Variants in ARHGAP23 observed in about 807,000 individuals in gnomAD.
ARHGAP23 encodes the protein rho GTPase-activating protein 23.
In ARHGAP23, 34 loss-of-function variants were observed where a neutral mutation model predicts 136.3. That is an observed-to-expected ratio of 0.25 (90% CI 0.19 to 0.33). ARHGAP23 has a LOEUF of 0.33. ARHGAP23 is among the 10% of genes least tolerant of loss of function. The pLI, the probability that ARHGAP23 is intolerant of heterozygous loss-of-function variation, is 1.00. For synonymous variants in ARHGAP23, 832 were observed against 920.5 expected, an observed-to-expected ratio of 0.90 and a Z score of 1.74; for missense variants, 1,808 against 2,139.0, an observed-to-expected ratio of 0.85 and a Z score of 3.05.
intron 15 of ARHGAP23, 67 bp from the exon 16 acceptor site, chr17:38,482,456 C>T: frequency 1.4e-6 from 2 of 1,403,348 alleles, no homozygotes; most frequent in East Asian, 2.5e-5. Context: ...CTTGCATTGT[C>T]CCCTTCTTGG....
intron 16 of ARHGAP23, among the ~76,000 whole-genome samples, chr17:38,485,628 G>A (rs922775738): frequency 2.6e-5 from 4 of 152,138 alleles, no homozygotes; most frequent in South Asian, 2.1e-4. Flanking sequence ...ACTTTTAGGC[G>A]GGGATGAGGA....
chr17:38,422,869 A>G (rs1311153979), intron 1 of ARHGAP23, among the ~76,000 whole-genome samples: 4 of 152,060 alleles, frequency 2.6e-5, no homozygotes, highest in Non-Finnish European at 5.9e-5. Context: ...CCCACCCTCC[A>G]TCATTAAATA....
At chr17:38,485,268 G>A (rs1050195417) in intron 16 of ARHGAP23, among the ~76,000 whole-genome samples, 1 of 152,130 alleles carries the variant, frequency 6.6e-6, no homozygotes, top group African/African-American at 2.4e-5. Flanking sequence ...AATCAAAATG[G>A]CTCCAGACAT....
At chr17:38,453,453 GTGT>G (rs2039233834) in intron 1 of ARHGAP23, among the ~76,000 whole-genome samples, 1 of 140,380 alleles carries the variant, frequency 7.1e-6, no homozygotes, top group Non-Finnish European at 1.5e-5. Context: ...GTGTGTGTGT[GTGT>G]GTGTGCGCGC....
In ARHGAP23 at chr17:38,510,471, G is replaced by T; in HGVS notation, c.3975G>T (p.Arg1325=). The T allele has an allele frequency of 8.3e-7, 1 of 1,199,228 alleles. No homozygotes were observed. The highest frequency in any genetic ancestry group is 1.0e-6 in the Non-Finnish European group (1 of 967,702). 74.3% of individuals were successfully genotyped at this position (1,199,228 alleles called of 1,614,324 possible). ...CDTLARRRLA[R]GRPDGEGAGR... ...CTCTGGCGCGCCGCCGCCTGGCCCG[G>T]GGCCGCCCAGACGGCGAGGGCGCGG... Residue 1325 remains arginine, a synonymous_variant, in exon 24 of 24, where the codon CGG becomes CGT. Transcript: ENST00000622683. This position sits in a 1 kb window ranked among gnomAD's most constrained non-coding sequence, Gnocchi z 4.6.
intron 1 of ARHGAP23, among the ~76,000 whole-genome samples, chr17:38,454,692 C>T (rs2039282743): frequency 6.6e-6 from 1 of 152,228 alleles, no homozygotes; most frequent in South Asian, 2.1e-4. Flanking sequence ...TTCTGATGTC[C>T]GGGATGGACC....
At chr17:38,469,398 G>C (rs1055415589) in intron 8 of ARHGAP23, 99 bp downstream of exon 8, 2 of 1,469,468 alleles carry the variant, frequency 1.4e-6, no homozygotes, top group African/African-American at 2.8e-5. Flanking sequence ...CTCTTCCTCT[G>C]GTTTCCGCTT....
intron 20 of ARHGAP23, among the ~76,000 whole-genome samples, chr17:38,495,656 G>C (rs1276588913): frequency 6.6e-6 from 1 of 152,140 alleles, no homozygotes; most frequent in African/African-American, 2.4e-5. Context: ...AATAACTGAG[G>C]CTCATGGCGT....
Position 38,510,979 on chromosome 17 carries a change from C to T in ARHGAP23, c.*7C>T. 3 of 1,421,022 alleles carry T rather than the reference C, an allele frequency of 2.1e-6. No individual in the cohort carries two copies. Among genetic ancestry groups the T allele is most frequent in the Non-Finnish European group, 9.1e-7 (1 of 1,100,208 alleles). 88.0% of individuals were successfully genotyped at this position (1,421,022 alleles called of 1,614,324 possible). On this transcript the variant is annotated 3_prime_UTR_variant, in exon 24 of 24. Coordinates refer to ENST00000622683, the MANE Select transcript of ARHGAP23 (RefSeq NM_001199417.2). The surrounding 1 kb of genome is among the most constrained non-coding windows in gnomAD (Gnocchi z 4.6). ...CCTGCATCAGTGTCTGTGATCCCCA[C>T]CTCCCGCGCCGCTCGGGCGCCACCC...
At chr17:38,476,826 A>G in intron 11 of ARHGAP23, among the ~76,000 whole-genome samples, 1 of 152,160 alleles carries the variant, frequency 6.6e-6, no homozygotes, top group Non-Finnish European at 1.5e-5. Flanking sequence ...CAGATGCCAT[A>G]GCACACCCTC....
intron 5 of ARHGAP23, 39 bp from the exon 6 acceptor site, chr17:38,463,289 G>A: frequency 6.4e-6 from 10 of 1,551,620 alleles, no homozygotes; most frequent in South Asian, 1.2e-5. Context: ...CCTGGACCCT[G>A]TTCCTTGACC....
At chr17:38,509,501 G>C (rs987414303) in intron 23 of ARHGAP23, among the ~76,000 whole-genome samples, 1 of 152,120 alleles carries the variant, frequency 6.6e-6, no homozygotes, top group Non-Finnish European at 1.5e-5. Context: ...GGAGGTGGGG[G>C]ACTTGTGGTC....
At chr17:38,422,137 A>T (rs1416135312) in intron 1 of ARHGAP23, among the ~76,000 whole-genome samples, 1 of 152,216 alleles carries the variant, frequency 6.6e-6, no homozygotes, top group East Asian at 1.9e-4. Flanking sequence ...CGATAGAAAG[A>T]GCAACATCAG....
chr17:38,439,184 A>T (rs1167227202), intron 1 of ARHGAP23, among the ~76,000 whole-genome samples: 2 of 151,948 alleles, frequency 1.3e-5, no homozygotes, highest in South Asian at 2.1e-4. Context: ...TCTAAAAAAA[A>T]AAAAAAGAGT....
intron 1 of ARHGAP23, among the ~76,000 whole-genome samples, chr17:38,456,391 A>T: frequency 6.6e-6 from 1 of 152,196 alleles, no homozygotes; most frequent in East Asian, 1.9e-4. Context: ...AGAAGGGGAC[A>T]AAAGGGGATG....
chr17:38,471,681 C>G (rs116165517), intron 10 of ARHGAP23, among the ~76,000 whole-genome samples, 182 bp from the exon 11 acceptor site: 2 of 152,196 alleles, frequency 1.3e-5, no homozygotes, highest in Non-Finnish European at 2.9e-5. Flanking sequence ...CCTTTATGTA[C>G]GTCTCATGAC....
At chr17:38,439,569 G>A (rs2038875760) in intron 1 of ARHGAP23, among the ~76,000 whole-genome samples, 1 of 152,182 alleles carries the variant, frequency 6.6e-6, no homozygotes, top group Admixed American at 6.5e-5. Flanking sequence ...TGTATTGCGG[G>A]CCTCAGGGCC....
chr17:38,419,580 T>TCACACACACACA (rs60358190), intron 1 of ARHGAP23, among the ~76,000 whole-genome samples: 13 of 143,164 alleles, frequency 9.1e-5, no homozygotes, highest in African/African-American at 3.1e-4. Context: ...GACACAGAGC[T>TCACACACACACA]CACACACACA....
chr17:38,437,157 G>A (rs1409277975), intron 1 of ARHGAP23, among the ~76,000 whole-genome samples: 4 of 151,902 alleles, frequency 2.6e-5, no homozygotes, highest in Admixed American at 1.3e-4. Context: ...GCTCACATCT[G>A]TAATCCCAGA....
Sources: allele counts gnomAD v4.1 joint callset (sites outside exome capture counted in the v4.1 genomes callset), GRCh38; gene constraint gnomAD v4.1.1; non-coding constraint Gnocchi (gnomAD v3.1); transcripts MANE v1.5; gene names NCBI Gene and HGNC (gene_info 2026-07-23, HGNC 2026-07-21).